Variants in CDH18 observed in about 807,000 individuals in gnomAD.
CDH18 encodes cadherin-18.
In CDH18, 31 loss-of-function variants were observed where a neutral mutation model predicts 67.9. The observed-to-expected ratio is 0.46, with a 90% CI of 0.34 to 0.62. The LOEUF (loss-of-function observed/expected upper bound fraction) is 0.62. Ranked by LOEUF, CDH18 falls within the 20% of genes least tolerant of loss-of-function variation. CDH18 has a pLI of 0.01. For synonymous variants in CDH18, 362 were observed against 347.2 expected, an observed-to-expected ratio of 1.04 and a Z score of -0.48; for missense variants, 890 against 975.5, an observed-to-expected ratio of 0.91 and a Z score of 1.17.
At chr5:19,915,232 G>T (rs1332688241) in intron 2 of CDH18, among the ~76,000 whole-genome samples, 2 of 152,032 alleles carry the variant, frequency 1.3e-5, no homozygotes, top group Admixed American at 1.3e-4. Context: ...CTCCTTCCCA[G>T]TTCGTTTCTC....
chr5:20,359,381 T>C (rs1049951966), intron 1 of CDH18, among the ~76,000 whole-genome samples: 1 of 152,256 alleles, frequency 6.6e-6, no homozygotes. Context: ...GATTAGAATT[T>C]CATTTTTTAT....
chr5:19,712,827 T>C (rs113828089), intron 5 of CDH18, among the ~76,000 whole-genome samples: 2,545 of 151,782 alleles, frequency 0.017, 42 homozygotes, highest in African/African-American at 0.045. Flanking sequence ...ATATCTAAGA[T>C]ACTGGGTTAG....
intron 1 of CDH18, among the ~76,000 whole-genome samples, chr5:20,319,271 T>C (rs149872704): frequency 1.5e-3 from 235 of 152,326 alleles, no homozygotes; most frequent in African/African-American, 5.4e-3. Context: ...AACCTTCTAC[T>C]ATTTTATTTT....
At chr5:19,515,516 T>C (rs1454557196) in intron 10 of CDH18, among the ~76,000 whole-genome samples, 1 of 151,868 alleles carries the variant, frequency 6.6e-6, no homozygotes, top group Non-Finnish European at 1.5e-5. Context: ...ATCCTCTTTG[T>C]TTCATTAAGC....
At chr5:19,487,357 A>G (rs1740575488) in intron 11 of CDH18, among the ~76,000 whole-genome samples, 1 of 152,228 alleles carries the variant, frequency 6.6e-6, no homozygotes, top group Admixed American at 6.5e-5. Flanking sequence ...CTTTATTGAA[A>G]GGATGGCTGC....
chr5:20,138,362 T>C (rs1261067824), intron 2 of CDH18, among the ~76,000 whole-genome samples: 3 of 152,286 alleles, frequency 2.0e-5, no homozygotes, highest in African/African-American at 7.2e-5. Flanking sequence ...AATATCATAC[T>C]GAATGGGCAA....
At chr5:20,536,432 T>G (rs888896931) in intron 1 of CDH18, among the ~76,000 whole-genome samples, 4 of 152,180 alleles carry the variant, frequency 2.6e-5, no homozygotes, top group Non-Finnish European at 1.5e-5. Context: ...AAGCCATTAC[T>G]GTTTGAAGTA....
At chr5:20,544,842 C>T (rs911081370) in intron 1 of CDH18, among the ~76,000 whole-genome samples, 1 of 152,144 alleles carries the variant, frequency 6.6e-6, no homozygotes. Flanking sequence ...CCAACAGTCA[C>T]CCAAAGACTT....
intron 1 of CDH18, among the ~76,000 whole-genome samples, chr5:20,505,915 G>A (rs909986782): frequency 1.2e-4 from 19 of 152,250 alleles, no homozygotes; most frequent in Non-Finnish European, 2.4e-4. Context: ...ACTCCATGTG[G>A]CCCATCAGTT....
chr5:19,674,515 C>G (rs768021701), intron 5 of CDH18, among the ~76,000 whole-genome samples: 1 of 151,946 alleles, frequency 6.6e-6, no homozygotes, highest in African/African-American at 2.4e-5. Context: ...TTAATATTAA[C>G]TATATGCATC....
chr5:19,617,619 A>G (rs1268606733), intron 5 of CDH18, among the ~76,000 whole-genome samples: 1 of 152,236 alleles, frequency 6.6e-6, no homozygotes, highest in Non-Finnish European at 1.5e-5. Flanking sequence ...GGCAATGTTT[A>G]CTTCAAAAAT....
chr5:19,567,946 T>C (rs1740718347), intron 8 of CDH18, among the ~76,000 whole-genome samples: 2 of 152,146 alleles, frequency 1.3e-5, no homozygotes, highest in South Asian at 4.1e-4. Flanking sequence ...AAAGTACACA[T>C]TGAAACATTC....
chr5:19,936,373 A>G (rs2150215806), intron 2 of CDH18, among the ~76,000 whole-genome samples: 1 of 151,424 alleles, frequency 6.6e-6, no homozygotes, highest in East Asian at 1.9e-4. Context: ...AAATTAGGAC[A>G]AAATGTTGAG....
intron 1 of CDH18, among the ~76,000 whole-genome samples, chr5:20,272,596 C>G (rs1241535536): frequency 6.6e-6 from 1 of 151,856 alleles, no homozygotes; most frequent in African/African-American, 2.4e-5. Flanking sequence ...TAATAATAAA[C>G]AGCCCATACT....
chr5:20,144,503 A>C (rs1264136192), intron 2 of CDH18, among the ~76,000 whole-genome samples: 2 of 152,136 alleles, frequency 1.3e-5, no homozygotes, highest in Non-Finnish European at 2.9e-5. Context: ...GATGGAGAAC[A>C]ATTTGCTTCA....
rs542143781 is a variant in CDH18, at chr5:20,556,144, T to C, written c.-580+19318A>G. Among the ~76,000 whole-genome samples the C allele has an allele frequency of 5.4e-4, 82 of 152,292 alleles. No homozygotes were observed. In the South Asian group the frequency reaches 5.8e-3, roughly 11 times the overall value. ...TATCACTAATAGAATATTGCATAGC[T>C]GAAGAAAAAGTCTGATTTTCTCACC... On this transcript the variant is annotated intron_variant, in intron 1 of 14. Coordinates refer to the CDH18 transcript ENST00000507958.
intron 1 of CDH18, among the ~76,000 whole-genome samples, chr5:20,519,813 A>G (rs1166681738): frequency 6.6e-6 from 1 of 151,862 alleles, no homozygotes; most frequent in Admixed American, 6.6e-5. Flanking sequence ...CTGACAGATC[A>G]GGTCAGACTT....
intron 8 of CDH18, among the ~76,000 whole-genome samples, chr5:19,567,419 C>T (rs79978572): frequency 1.3e-5 from 2 of 152,078 alleles, no homozygotes; most frequent in Admixed American, 1.3e-4. Context: ...GCTTGCAAAG[C>T]TCAAACTCCC....
At chr5:20,229,637 A>T (rs1741907237) in intron 2 of CDH18, among the ~76,000 whole-genome samples, 1 of 152,154 alleles carries the variant, frequency 6.6e-6, no homozygotes, top group Non-Finnish European at 1.5e-5. Flanking sequence ...TATTGATAAT[A>T]TACAAATACA....
Sources: gnomAD v4.1 joint callset for allele counts (sites outside exome capture counted in the v4.1 genomes callset) on GRCh38, gnomAD v4.1.1 for gene constraint, MANE v1.5 for transcripts, NCBI Gene and HGNC (gene_info 2026-07-23, HGNC 2026-07-21) for gene names.